RALYL: variants seen among roughly 807,000 people sequenced by gnomAD.
RALYL encodes the protein RNA-binding Raly-like protein.
RALYL carries 29 observed loss-of-function variants against 35.1 expected under a neutral mutation model. The ratio of observed to expected loss-of-function variants is 0.83; its 90% CI spans 0.61 to 1.13. RALYL has a LOEUF of 1.13. Ranked by LOEUF, RALYL falls within the 50% of genes most tolerant of loss-of-function variation. The pLI, the probability that RALYL is intolerant of heterozygous loss-of-function variation, is 0.00. For missense variants in RALYL, 359 were observed against 360.4 expected (o/e 1.00, Z 0.03); for synonymous variants, 120 against 127.6 (o/e 0.94, Z 0.40).
At chr8:84,317,398 G>C (rs1363414044) in intron 1 of RALYL, among the ~76,000 whole-genome samples, 1 of 152,116 alleles carries the variant, frequency 6.6e-6, no homozygotes. Flanking sequence ...GTTATCCTGA[G>C]CTTGTTTCCT....
chr8:84,772,327 T>A lies in RALYL; in HGVS notation c.257-2252T>A, dbSNP rs1338678541. ...CTTTTTTCCAAGTGTATCATGGCTA[T>A]GTTTGGCCTTTGTTCTATTGTACAA... On this transcript the variant is annotated intron_variant, in intron 2 of 8. Transcript: ENST00000521268. Among the ~76,000 whole-genome samples the A allele has an allele frequency of 3.3e-5, 5 of 152,218 alleles. No individual in the cohort carries two copies. The East Asian group carries it at 9.7e-4, about 29-fold the overall frequency.
At chr8:84,430,271 G>T (rs1482629321) in intron 1 of RALYL, among the ~76,000 whole-genome samples, 1 of 151,892 alleles carries the variant, frequency 6.6e-6, no homozygotes, top group Non-Finnish European at 1.5e-5. Context: ...CAGTTCTTTT[G>T]GACTCCAAAG....
chr8:84,255,848 G>C lies in RALYL; in HGVS notation c.-24+71424G>C, dbSNP rs151142880. On this transcript the variant is annotated intron_variant, in intron 1 of 8. Transcript: ENST00000521268. Reference sequence around the variant, plus strand: ...ATTATATGGAAATGAATGAATGAATGAGATATTGCATATAATTTCACTGTA... The same window carrying C: ...ATTATATGGAAATGAATGAATGAATCAGATATTGCATATAATTTCACTGTA... 2.6e-3 allele frequency among the ~76,000 whole-genome samples: 397 copies of C among 152,230 alleles called. 1 individual carries two copies. The highest frequency in any genetic ancestry group is 4.8e-3 in the Non-Finnish European group (324 of 68,002).
At chr8:84,776,492 A>G (rs1816872308) in intron 3 of RALYL, among the ~76,000 whole-genome samples, 1 of 152,228 alleles carries the variant, frequency 6.6e-6, no homozygotes, top group Non-Finnish European at 1.5e-5. Context: ...GTTATCAACA[A>G]GAAGCAAATG....
intron 8 of RALYL, among the ~76,000 whole-genome samples, chr8:84,893,110 G>A (rs916833314): frequency 3.9e-5 from 6 of 152,176 alleles, no homozygotes; most frequent in African/African-American, 1.4e-4. Context: ...TGGGGAACCA[G>A]ACATAGCCAC....
chr8:84,411,610 A>G (rs561622210), intron 1 of RALYL, among the ~76,000 whole-genome samples: 1 of 152,072 alleles, frequency 6.6e-6, no homozygotes, highest in East Asian at 1.9e-4. Flanking sequence ...TGAGGATTAA[A>G]TGTGATAATC....
At chr8:84,267,224 G>C (rs1037070528) in intron 1 of RALYL, among the ~76,000 whole-genome samples, 1 of 152,066 alleles carries the variant, frequency 6.6e-6, no homozygotes, top group African/African-American at 2.4e-5. Context: ...ATTTCATAGT[G>C]ATCTATGAGT....
chr8:84,440,237 ATTTTC>A (rs2048187324), intron 1 of RALYL, among the ~76,000 whole-genome samples: 1 of 152,066 alleles, frequency 6.6e-6, no homozygotes, highest in Admixed American at 6.6e-5. Context: ...TTATGCAAAT[ATTTTC>A]TTTAAGTACT....
At chr8:84,823,141 A>G (rs549814808) in intron 4 of RALYL, among the ~76,000 whole-genome samples, 1 of 152,294 alleles carries the variant, frequency 6.6e-6, no homozygotes, top group Admixed American at 6.5e-5. Context: ...ATCAAAATGT[A>G]TGATTTTGTA....
At chr8:84,413,720 C>G (rs73304373) in intron 1 of RALYL, among the ~76,000 whole-genome samples, 4,465 of 152,104 alleles carry the variant, frequency 0.029, 217 homozygotes, top group African/African-American at 0.1. Context: ...AAATCCATAA[C>G]ATTTTCTATT....
chr8:84,864,129 T>TAAGAATCTA (rs1425011170), intron 6 of RALYL, among the ~76,000 whole-genome samples: 1 of 152,156 alleles, frequency 6.6e-6, no homozygotes, highest in Non-Finnish European at 1.5e-5. Context: ...ACATGTAACA[T>TAAGAATCTA]AAGAATCTAT....
chr8:84,913,492 G>A lies in RALYL; in HGVS notation c.859-7402G>A, dbSNP rs78450790. 2.6e-3 allele frequency among the ~76,000 whole-genome samples: 400 copies of A among 151,890 alleles called. 2 individuals are homozygous for A. The highest frequency in any genetic ancestry group is 9.0e-3 in the African/African-American group (374 of 41,484). ...ATACCAGGATAATCATATAACTGAC[G>A]ATTTTTCTAAATTCTATATTCTCAT... On this transcript the variant is annotated intron_variant, in intron 8 of 8. Transcript: ENST00000521268.
At chr8:84,622,473 A>T (rs1426525092) in intron 2 of RALYL, among the ~76,000 whole-genome samples, 1 of 152,200 alleles carries the variant, frequency 6.6e-6, no homozygotes, top group Non-Finnish European at 1.5e-5. Context: ...CTAAATTTTG[A>T]GCAGATTTTA....
intron 2 of RALYL, among the ~76,000 whole-genome samples, chr8:84,741,292 A>G (rs1807236696): frequency 6.6e-6 from 1 of 151,862 alleles, no homozygotes; most frequent in Non-Finnish European, 1.5e-5. Flanking sequence ...ACTGCTCATC[A>G]CTCCATTCCT....
At chr8:84,698,288 T>A (rs1052051714) in intron 2 of RALYL, among the ~76,000 whole-genome samples, 1 of 152,130 alleles carries the variant, frequency 6.6e-6, no homozygotes, top group East Asian at 1.9e-4. Context: ...TTTTTATGAT[T>A]CCATTTAGCT....
At chr8:84,642,664 G>T (rs1259053111) in intron 2 of RALYL, among the ~76,000 whole-genome samples, 1 of 152,066 alleles carries the variant, frequency 6.6e-6, no homozygotes, top group Non-Finnish European at 1.5e-5. Context: ...TAAAGAGGAT[G>T]ACAAACTCGG....
At chr8:84,551,802 A>T (rs1220693219) in intron 2 of RALYL, among the ~76,000 whole-genome samples, 1 of 152,154 alleles carries the variant, frequency 6.6e-6, no homozygotes, top group Non-Finnish European at 1.5e-5. Flanking sequence ...ATAAATATTC[A>T]TTGAAATAAA....
chr8:84,449,593 A>C (rs2133155033), intron 1 of RALYL, among the ~76,000 whole-genome samples: 1 of 152,074 alleles, frequency 6.6e-6, no homozygotes, highest in Middle Eastern at 3.4e-3. Flanking sequence ...TCCCCCTGAG[A>C]CTTTCTAAAT....
intron 1 of RALYL, among the ~76,000 whole-genome samples, chr8:84,441,193 G>T (rs2048296437): frequency 6.6e-6 from 1 of 152,014 alleles, no homozygotes; most frequent in Non-Finnish European, 1.5e-5. Context: ...CTTTTAAGAA[G>T]ACTTCACATT....
Sources: allele counts gnomAD v4.1 joint callset (sites outside exome capture counted in the v4.1 genomes callset), GRCh38; gene constraint gnomAD v4.1.1; transcripts MANE v1.5; gene names NCBI Gene and HGNC (gene_info 2026-07-23, HGNC 2026-07-21).